Variants in CCSER2 observed in about 807,000 individuals in gnomAD.
CCSER2 encodes serine-rich coiled-coil domain-containing protein 2.
CCSER2 carries 46 observed loss-of-function variants against 92.3 expected under a neutral mutation model. The ratio of observed to expected loss-of-function variants is 0.50; its 90% CI spans 0.39 to 0.64. The LOEUF is 0.64. Ranked by LOEUF, CCSER2 falls within the 30% of genes least tolerant of loss-of-function variation. The pLI, the probability that CCSER2 is intolerant of heterozygous loss-of-function variation, is 0.00. For synonymous variants in CCSER2, 433 were observed against 431.4 expected, an observed-to-expected ratio of 1.00 and a Z score of -0.04; for missense variants, 1,244 against 1,238.9, an observed-to-expected ratio of 1.00 and a Z score of -0.06.
At position 84,389,248 on chromosome 10, in the gene CCSER2, A is replaced by G. The variant is rs1841392305; in HGVS notation, c.1614+15433A>G. The G allele has an allele frequency of 1.0e-5, 5 of 481,580 alleles. No individual in the cohort carries two copies. In the Admixed American group the frequency reaches 1.1e-4, roughly 10 times the overall value. The allele number at this position is 481,580 out of a possible 1,614,324, so 29.8% of individuals were successfully genotyped here. A position where few individuals can be genotyped will look rare whatever the true frequency, so the allele number is the denominator to read the frequency against. On this transcript the variant is annotated intron_variant, in intron 3 of 9. Transcript: ENST00000372088. ...GGCGGCCATCAGCATTGCAGCCCAC[A>G]GACTAGGCAGTCCCCAGGATCTCTT...
At chr10:84,351,127 C>T (rs546653658) in intron 1 of CCSER2, among the ~76,000 whole-genome samples, 3 of 152,146 alleles carry the variant, frequency 2.0e-5, no homozygotes, top group South Asian at 4.2e-4. Context: ...CTAGATAGTT[C>T]ATATAGCTGA....
intron 6 of CCSER2, among the ~76,000 whole-genome samples, chr10:84,453,266 A>G (rs1287904367): frequency 3.3e-5 from 5 of 152,122 alleles, no homozygotes; most frequent in African/African-American, 1.2e-4. Flanking sequence ...CTATGATATA[A>G]GTTCTTTGGA....
intron 2 of CCSER2, 125 bp downstream of exon 2, chr10:84,372,594 A>G: frequency 3.2e-6 from 2 of 631,488 alleles, no homozygotes; most frequent in South Asian, 2.4e-5. Flanking sequence ...GATCTAGACA[A>G]AATTGAGGTG....
At chr10:84,441,668 G>A (rs757919340) in intron 6 of CCSER2, among the ~76,000 whole-genome samples, 1 of 147,464 alleles carries the variant, frequency 6.8e-6, no homozygotes, top group South Asian at 2.2e-4. Flanking sequence ...TCCTTCAGAG[G>A]TGGTTGTAAT....
intron 8 of CCSER2, 36 bp from the exon 9 acceptor site, chr10:84,477,539 A>T: frequency 8.3e-7 from 1 of 1,204,220 alleles, no homozygotes; most frequent in Non-Finnish European, 1.2e-6. Context: ...TATATGCAGA[A>T]TTAAACCAAT....
At chr10:84,414,711 G>T (rs1329655751) in intron 3 of CCSER2, among the ~76,000 whole-genome samples, 1 of 152,106 alleles carries the variant, frequency 6.6e-6, no homozygotes, top group Middle Eastern at 3.2e-3. Flanking sequence ...CTACACAGGG[G>T]AAGTTCTGGA....
In CCSER2 at chr10:84,340,424, C is replaced by T. The variant is rs570688065; in HGVS notation, c.-40+11616C>T. ...CCAATGTTGACCCAGTTTTGATTGA[C>T]CCATTTGGTTGGGAATTTACGCCAT... On this transcript the variant is annotated intron_variant, in intron 1 of 9. Coordinates refer to ENST00000372088, the MANE Select transcript of CCSER2 (RefSeq NM_001284240.2). 5.9e-5 allele frequency among the ~76,000 whole-genome samples: 9 copies of T among 152,014 alleles called. 1 individual carries two copies. The East Asian group carries it at 1.2e-3, about 20-fold the overall frequency.
chr10:84,405,662 C>T (rs1444087769), intron 3 of CCSER2, among the ~76,000 whole-genome samples: 1 of 152,114 alleles, frequency 6.6e-6, no homozygotes, highest in African/African-American at 2.4e-5. Flanking sequence ...TGAATAGACA[C>T]TTTATCAAAA....
intron 1 of CCSER2, among the ~76,000 whole-genome samples, chr10:84,363,705 A>C (rs574450815): frequency 6.6e-6 from 1 of 152,354 alleles, no homozygotes; most frequent in South Asian, 2.1e-4. Context: ...TCTGTAATTA[A>C]TATCTAGGTC....
chr10:84,512,060 C>T (rs1355417857), intron 9 of CCSER2, among the ~76,000 whole-genome samples: 1 of 151,884 alleles, frequency 6.6e-6, no homozygotes, highest in African/African-American at 2.4e-5. Flanking sequence ...CATAGCCAAC[C>T]ATCCTCCATG....
At chr10:84,467,643 C>T (rs973838438) in intron 7 of CCSER2, among the ~76,000 whole-genome samples, 3 of 152,130 alleles carry the variant, frequency 2.0e-5, no homozygotes, top group Non-Finnish European at 4.4e-5. Flanking sequence ...TCCCCACCTC[C>T]CCCCTACTGC....
At chr10:84,456,846 A>G (rs947143230) in intron 6 of CCSER2, among the ~76,000 whole-genome samples, 1 of 134,810 alleles carries the variant, frequency 7.4e-6, no homozygotes, top group African/African-American at 2.4e-5. Flanking sequence ...GATATTGAGC[A>G]TATTTTCATA....
At chr10:84,364,010 C>T (rs1019959170) in intron 1 of CCSER2, among the ~76,000 whole-genome samples, 5 of 152,068 alleles carry the variant, frequency 3.3e-5, no homozygotes, top group Admixed American at 3.3e-4. Flanking sequence ...GCAGTTGTAA[C>T]ACAATGGTAA....
At position 84,517,093 on chromosome 10, in the gene CCSER2, C is replaced by T. The variant is rs539360819; in HGVS notation, c.*2826C>T. The T allele has an allele frequency of 1.4e-4, 22 of 152,286 alleles. No homozygotes were observed. The highest frequency in any genetic ancestry group is 4.3e-4 in the African/African-American group (18 of 41,576). The allele number at this position is 152,286 out of a possible 1,614,324, so 9.4% of individuals were successfully genotyped here. A position where few individuals can be genotyped will look rare whatever the true frequency, so the allele number is the denominator to read the frequency against. The stretch of plus-strand genomic sequence containing the variant: ...CAACTCTGTGCCAAATCCTCCTCCA[C>T]AAACCATTTATTGTCTTAGTTCTAG... On this transcript the variant is annotated 3_prime_UTR_variant, in exon 10 of 10. Coordinates refer to ENST00000372088, the MANE Select transcript of CCSER2 (RefSeq NM_001284240.2).
In CCSER2 at chr10:84,405,348, T is replaced by TTTTAAAATAC. The variant is rs1318011581; in HGVS notation, c.1615-12422_1615-12421insTTAAAATACT. ...ATTCCAAAATCGATCTTTGGTGTAA[T>TTTTAAAATAC]TGTGAAGTGTAAAACTGTAAGAAAA... On this transcript the variant is annotated intron_variant, in intron 3 of 9. Coordinates refer to ENST00000372088, the MANE Select transcript of CCSER2 (RefSeq NM_001284240.2). Among the ~76,000 whole-genome samples, 1,091 of 152,292 alleles carry TTTTAAAATAC rather than the reference T, an allele frequency of 7.2e-3. 34 individuals carry two copies. The highest frequency in any genetic ancestry group is 0.055 in the Admixed American group (839 of 15,282).
At position 84,371,889 on chromosome 10, in the gene CCSER2, A is replaced by G. The variant is rs758506881; in HGVS notation, c.837A>G (p.Val279=). 3.1e-6 allele frequency: 5 copies of G among 1,613,792 alleles called. No homozygotes were observed. Among genetic ancestry groups the G allele is most frequent in the South Asian group, 1.1e-5 (1 of 91,074 alleles). The part of the protein sequence containing the change: ...MLTRNSRQPE[V]LNGNEHLGYG... ...CAAGAAATTCCCGGCAGCCAGAAGT[A>G]CTCAATGGGAATGAACATTTGGGGT... Residue 279 remains valine (V), a synonymous_variant, in exon 2 of 10, where the codon GTA becomes GTG. Coordinates refer to ENST00000372088, the MANE Select transcript of CCSER2 (RefSeq NM_001284240.2).
chr10:84,427,514 C>G (rs186367859), intron 5 of CCSER2, among the ~76,000 whole-genome samples: 59 of 152,268 alleles, frequency 3.9e-4, no homozygotes, highest in Non-Finnish European at 6.3e-4. Flanking sequence ...CTAAAACTTC[C>G]TGAGTATTGC....
intron 5 of CCSER2, among the ~76,000 whole-genome samples, chr10:84,438,058 A>C (rs1341677692): frequency 6.6e-6 from 1 of 152,214 alleles, no homozygotes; most frequent in Admixed American, 6.5e-5. Context: ...GCCTGTTGAG[A>C]CTTTCAAGAA....
At chr10:84,331,141 C>T (rs955643969) in intron 1 of CCSER2, among the ~76,000 whole-genome samples, 2 of 152,180 alleles carry the variant, frequency 1.3e-5, no homozygotes, top group African/African-American at 4.8e-5. Flanking sequence ...AACAACTCAG[C>T]CTAAAAAGAC....
Sources: allele counts gnomAD v4.1 joint callset (sites outside exome capture counted in the v4.1 genomes callset), GRCh38; gene constraint gnomAD v4.1.1; transcripts MANE v1.5; gene names NCBI Gene and HGNC (gene_info 2026-07-23, HGNC 2026-07-21).